Variants in LAMA1 observed in about 807,000 individuals in gnomAD.
LAMA1 encodes the protein laminin subunit alpha 1, also known as laminin subunit alpha-1.
Under a neutral mutation model 348.7 loss-of-function variants are expected in LAMA1, and 219 were observed. The observed-to-expected ratio is 0.63, with a 90% confidence interval of 0.56 to 0.70. The LOEUF is 0.70. Among genes scored for constraint, LAMA1 ranks in the 30% least tolerant of loss-of-function variants. The pLI is 0.00. For missense variants in LAMA1, 3,744 were observed against 3,888.0 expected (o/e 0.96, Z 0.99); for synonymous variants, 1,487 against 1,491.0 (o/e 1.00, Z 0.06).
intron 1 of LAMA1, among the ~76,000 whole-genome samples, chr18:7,096,978 G>A (rs12606163): frequency 3.9e-5 from 6 of 151,946 alleles, no homozygotes; most frequent in Non-Finnish European, 8.8e-5. Flanking sequence ...AGGGCTAGCC[G>A]TGAAAGCCAG....
In LAMA1 at chr18:6,941,938, G is replaced by T; in HGVS notation, c.*141C>A. On this transcript the variant is annotated 3_prime_UTR_variant, in exon 63 of 63. Transcript: ENST00000389658. ...TATTTGTTGCACATGTGGTTTTAGT[G>T]TAACGTAAACACAACATCTCTCCCC... is the stretch of plus-strand genomic sequence containing the variant. 9.9e-7 allele frequency: 1 copy of T among 1,006,888 alleles called. No homozygotes were observed. The highest frequency in any genetic ancestry group is 1.5e-6 in the Non-Finnish European group (1 of 646,018). 62.4% of individuals were successfully genotyped at this position (1,006,888 alleles called of 1,614,324 possible).
chr18:7,011,220 G>A (rs764093230), intron 25 of LAMA1, 80 bp downstream of exon 25: 8 of 1,475,224 alleles, frequency 5.4e-6, no homozygotes, highest in Non-Finnish European at 7.4e-6. Flanking sequence ...TGACAGGCCG[G>A]CCCAGACTAT....
At chr18:7,090,130 A>G (rs1339017055) in intron 1 of LAMA1, among the ~76,000 whole-genome samples, 1 of 152,214 alleles carries the variant, frequency 6.6e-6, no homozygotes, top group African/African-American at 2.4e-5. Context: ...ATGTTCCCAT[A>G]ACAGGAGTCC....
At chr18:7,017,801 T>C (rs533029463) in intron 19 of LAMA1, among the ~76,000 whole-genome samples, 1 of 152,308 alleles carries the variant, frequency 6.6e-6, no homozygotes, top group South Asian at 2.1e-4. Flanking sequence ...AATAAGTACA[T>C]ATTAATATTA....
intron 1 of LAMA1, among the ~76,000 whole-genome samples, chr18:7,087,409 C>T (rs143901441): frequency 2.6e-5 from 4 of 152,184 alleles, no homozygotes; most frequent in Non-Finnish European, 4.4e-5. Context: ...TGATGCTCCA[C>T]GCCATCTTGG....
At chr18:7,017,526 C>T in intron 19 of LAMA1, 142 bp from the exon 20 acceptor site, 1 of 718,180 alleles carries the variant, frequency 1.4e-6, no homozygotes, top group Non-Finnish European at 2.5e-6. Context: ...TTGGCAATAA[C>T]TTTAGAAGTT....
chr18:7,073,232 T>C (rs1598306102), intron 3 of LAMA1, among the ~76,000 whole-genome samples: 1 of 152,188 alleles, frequency 6.6e-6, no homozygotes, highest in East Asian at 1.9e-4. Flanking sequence ...TATTTCACAG[T>C]GTATTAACTT....
chr18:7,089,486 C>T (rs2058231125), intron 1 of LAMA1, among the ~76,000 whole-genome samples: 1 of 152,214 alleles, frequency 6.6e-6, no homozygotes, highest in African/African-American at 2.4e-5. Context: ...TCCCGTGCAT[C>T]TCAGGAACAA....
At chr18:6,953,314 C>T (rs2057558659) in intron 57 of LAMA1, among the ~76,000 whole-genome samples, 1 of 152,254 alleles carries the variant, frequency 6.6e-6, no homozygotes, top group Non-Finnish European at 1.5e-5. Flanking sequence ...TTCAGGTCAC[C>T]CTGATTTTAC....
In LAMA1 at chr18:7,012,112, G is replaced by A. The variant is rs150019331; in HGVS notation, c.3390C>T (p.Asn1130=). The A allele has an allele frequency of 8.1e-5, 130 of 1,613,972 alleles. No individual in the cohort carries two copies. The highest frequency in any genetic ancestry group is 6.6e-4 in the Middle Eastern group (4 of 6,062). The change falls in exon 24 of 63, where the codon AAC becomes AAT. Residue 1130 remains asparagine (N), a synonymous_variant. Coordinates refer to ENST00000389658, the MANE Select transcript of LAMA1 (RefSeq NM_005559.4). ...GAGCGAAGGTGCCCTCTCGACATTC[G>A]TTGCACTGAGGACCAAAGACATTTT... The part of the protein sequence containing the change: ...CKENVFGPQC[N]ECREGTFALR...
intron 44 of LAMA1, among the ~76,000 whole-genome samples, chr18:6,976,455 T>G (rs2057682592): frequency 6.6e-6 from 1 of 152,174 alleles, no homozygotes; most frequent in Non-Finnish European, 1.5e-5. Context: ...ATTTATTCAC[T>G]CAGCAGATAT....
chr18:7,050,746 T>C lies in LAMA1; in HGVS notation c.536A>G (p.Glu179Gly), dbSNP rs2058059062. 1 of 1,613,982 alleles carries C rather than the reference T, an allele frequency of 6.2e-7. No individual in the cohort carries two copies. The highest frequency in any genetic ancestry group is 8.5e-7 in the Non-Finnish European group (1 of 1,180,020). Residue 179 changes from glutamate to glycine, a missense_variant, in exon 4 of 63, where the codon GAA (glutamate) becomes GGA (glycine). Around this residue, in one of 3 missense-constraint regions of LAMA1, gnomAD observed 1,529 missense variants for 1,689.4 expected, o/e 0.91. Transcript: ENST00000389658. The part of the protein sequence containing the change: ...RGPPTYRADD[E>G]VICTSYYSRL... ...GGAATAATAGGAGGTGCAGATCACT[T>C]CATCATCAGCCCTGTAGGTGGGTGG...
Position 7,035,519 on chromosome 18 carries a change from C to T in LAMA1, c.1839+468G>A, listed in dbSNP as rs1179899903. On this transcript the variant is annotated intron_variant, in intron 13 of 62. Transcript: ENST00000389658. ...CTCACTATAACCTTGAACTCCTGGG[C>T]TCAAGCCATCCTCCTGCCTCACCCT... is the stretch of plus-strand genomic sequence containing the variant. Among the ~76,000 whole-genome samples, 4 of 151,906 alleles carry T rather than the reference C, an allele frequency of 2.6e-5. No homozygotes were observed. In the East Asian group the frequency reaches 5.8e-4, roughly 22 times the overall value.
intron 36 of LAMA1, among the ~76,000 whole-genome samples, chr18:6,989,722 C>G (rs1470451481): frequency 6.6e-6 from 1 of 152,060 alleles, no homozygotes; most frequent in Non-Finnish European, 1.5e-5. Context: ...GGGGGCTGGC[C>G]CTGCCTACCC....
Position 7,024,662 on chromosome 18 carries a change from C to T in LAMA1, c.2403-196G>A, listed in dbSNP as rs151005957. On this transcript the variant is annotated intron_variant, in intron 17 of 62. Coordinates refer to ENST00000389658, the MANE Select transcript of LAMA1 (RefSeq NM_005559.4). ...CTCACAGACTCCTGGTCCCATGATC[C>T]AGGCACTGACACTCACTCCTCACTC... is the stretch of plus-strand genomic sequence containing the variant. Among the ~76,000 whole-genome samples the T allele has an allele frequency of 3.0e-3, 464 of 152,298 alleles. 2 individuals carry two copies. The highest frequency in any genetic ancestry group is 6.2e-3 in the African/African-American group (258 of 41,570).
At chr18:7,032,023 A>G (rs1443442654) in intron 16 of LAMA1, 43 bp downstream of exon 16, 3 of 1,502,224 alleles carry the variant, frequency 2.0e-6, no homozygotes, top group African/African-American at 1.4e-5. Flanking sequence ...AATGGCTCTG[A>G]ATTGAGGAGG....
Position 7,025,923 on chromosome 18 carries a change from C to G in LAMA1, c.2402+56G>C, listed in dbSNP as rs1232936225. The stretch of plus-strand genomic sequence containing the variant: ...TTGCTCTGAAGTCATTAGTACGCAT[C>G]TGGGTGGGAATCCTGGCCATGCTGG... On this transcript the variant is annotated intron_variant, in intron 17 of 62. Transcript: ENST00000389658. 3 of 1,571,706 alleles carry G rather than the reference C, an allele frequency of 1.9e-6. No homozygotes were observed. In the East Asian group the frequency reaches 6.9e-5, roughly 36 times the overall value.
intron 19 of LAMA1, among the ~76,000 whole-genome samples, chr18:7,019,536 C>A (rs2057905699): frequency 6.6e-6 from 1 of 152,080 alleles, no homozygotes; most frequent in African/African-American, 2.4e-5. Flanking sequence ...GTACTTTCAC[C>A]ACAAACCAAG....
intron 1 of LAMA1, among the ~76,000 whole-genome samples, chr18:7,113,624 G>A (rs1323183881): frequency 6.6e-6 from 1 of 152,190 alleles, no homozygotes; most frequent in East Asian, 1.9e-4. Context: ...CGGTTATCGA[G>A]ATGGTGTTTC....
Sources: gnomAD v4.1 joint callset for allele counts (sites outside exome capture counted in the v4.1 genomes callset) on GRCh38, gnomAD v4.1.1 for gene constraint, gnomAD v4.1.1 regional missense constraint, MANE v1.5 for transcripts, NCBI Gene and HGNC (gene_info 2026-07-23, HGNC 2026-07-21) for gene names.